SLC38A9: variants seen among roughly 807,000 people sequenced by gnomAD.
The protein encoded by SLC38A9 is neutral amino acid transporter 9.
Under a neutral mutation model 62.3 loss-of-function variants are expected in SLC38A9, and 48 were observed. That is an observed-to-expected ratio of 0.77 (90% CI 0.61 to 0.98). The LOEUF is 0.98. Among genes scored for constraint, SLC38A9 ranks in the 50% least tolerant of loss-of-function variants. SLC38A9 has a pLI of 0.00. For synonymous variants in SLC38A9, 204 were observed against 227.7 expected (o/e 0.90, Z 0.94); for missense variants, 541 against 679.8 (o/e 0.80, Z 2.27).
At chr5:55,650,108 G>C (rs1435198825) in intron 10 of SLC38A9, among the ~76,000 whole-genome samples, 1 of 152,108 alleles carries the variant, frequency 6.6e-6, no homozygotes, top group Non-Finnish European at 1.5e-5. Flanking sequence ...GCATATTTGA[G>C]AAAGGTGAGA....
chr5:55,710,594 A>T (rs1757889049), intron 2 of SLC38A9, among the ~76,000 whole-genome samples: 1 of 151,996 alleles, frequency 6.6e-6, no homozygotes. Context: ...ATTTTGACCT[A>T]TTGAAACTTT....
intron 3 of SLC38A9, among the ~76,000 whole-genome samples, chr5:55,683,585 A>G (rs1288133593): frequency 6.6e-6 from 1 of 152,226 alleles, no homozygotes; most frequent in South Asian, 2.1e-4. Context: ...CTAGACACAT[A>G]TATGTACACA....
chr5:55,692,783 T>C (rs931712291), intron 3 of SLC38A9: 1 of 985,396 alleles, frequency 1.0e-6, no homozygotes, highest in Non-Finnish European at 1.2e-6. Flanking sequence ...CAATTATTTA[T>C]CACAGAATTT....
In SLC38A9 at chr5:55,651,246, ATCTT is replaced by A. The variant is rs1157875230; in HGVS notation, c.952+1279_952+1282del. The stretch of plus-strand genomic sequence containing the variant: ...TTTCACTGGGGGGGTTCCTTTTGCC[ATCTT>A]TTTTTTTTTTTTTTTTTTAAGACAG... On this transcript the variant is annotated intron_variant, in intron 10 of 15. Transcript: ENST00000396865. Among the ~76,000 whole-genome samples the A allele has an allele frequency of 2.4e-4, 27 of 114,114 alleles. 1 individual carries two copies. Among genetic ancestry groups the A allele is most frequent in the Non-Finnish European group, 3.8e-4 (22 of 57,660 alleles). 74.9% of individuals were successfully genotyped at this position (114,114 alleles called of 152,430 possible). A position where few individuals can be genotyped will look rare whatever the true frequency, so the allele number is the denominator to read the frequency against.
At chr5:55,628,836 T>C (rs1742933166) in intron 14 of SLC38A9, among the ~76,000 whole-genome samples, 1 of 152,258 alleles carries the variant, frequency 6.6e-6, no homozygotes, top group East Asian at 1.9e-4. Flanking sequence ...ATAATGTAGA[T>C]GAAAATTTGA....
chr5:55,696,672 CGG>C (rs1755801179), intron 3 of SLC38A9: 1 of 96,232 alleles, frequency 1.0e-5, no homozygotes, highest in African/African-American at 3.4e-5. Context: ...CCTCACCTCC[CGG>C]ACGGGGCGGC....
At chr5:55,710,067 C>CAA (rs1174162436) in intron 2 of SLC38A9, among the ~76,000 whole-genome samples, 8 of 20,784 alleles carry the variant, frequency 3.8e-4, no homozygotes, top group African/African-American at 5.1e-4. Context: ...GACTCCATCT[C>CAA]AAAAAAAAAA....
intron 3 of SLC38A9, 159 bp from the exon 4 acceptor site, chr5:55,672,854 A>C: frequency 1.6e-6 from 1 of 644,138 alleles, no homozygotes; most frequent in Non-Finnish European, 2.6e-6. Context: ...GTTACAAAAG[A>C]AGTATTATCC....
chr5:55,633,511 A>C (rs1289615709), intron 14 of SLC38A9: 4 of 422,524 alleles, frequency 9.5e-6, no homozygotes, highest in East Asian at 3.9e-5. Context: ...ATAATAAGAT[A>C]AATATAAATG....
intron 11 of SLC38A9, among the ~76,000 whole-genome samples, chr5:55,646,465 G>A (rs1746375770): frequency 6.6e-6 from 1 of 152,102 alleles, no homozygotes; most frequent in Admixed American, 6.5e-5. Context: ...TTCAAATTTA[G>A]GGTCTGTCTG....
At chr5:55,647,193 T>C (rs1377861433) in intron 11 of SLC38A9, among the ~76,000 whole-genome samples, 1 of 152,036 alleles carries the variant, frequency 6.6e-6, no homozygotes, top group East Asian at 1.9e-4. Context: ...TTTTATTTTT[T>C]TTTGCAATTT....
intron 2 of SLC38A9, chr5:55,704,446 G>C (rs963574082): frequency 6.6e-6 from 1 of 152,128 alleles, no homozygotes; most frequent in Admixed American, 6.5e-5. Context: ...TGAAACACAT[G>C]AAAATTTTAA....
At chr5:55,658,603 A>G (rs909950098) in intron 8 of SLC38A9, among the ~76,000 whole-genome samples, 21 of 152,330 alleles carry the variant, frequency 1.4e-4, no homozygotes, top group Middle Eastern at 6.8e-3. Context: ...GAGGCAAGGA[A>G]GGATTCTTCC....
chr5:55,686,699 G>C (rs2150487437), intron 3 of SLC38A9, among the ~76,000 whole-genome samples: 1 of 152,192 alleles, frequency 6.6e-6, no homozygotes, highest in East Asian at 1.9e-4. Context: ...GCCTGTGCCT[G>C]TGTCCTGAAA....
At chr5:55,644,705 C>T (rs2150126110) in intron 12 of SLC38A9, among the ~76,000 whole-genome samples, 1 of 152,314 alleles carries the variant, frequency 6.6e-6, no homozygotes, top group Admixed American at 6.5e-5. Context: ...AGGCGTGAGC[C>T]ACCATGCCCA....
intron 3 of SLC38A9, among the ~76,000 whole-genome samples, chr5:55,680,299 A>T (rs1160042841): frequency 1.3e-5 from 2 of 152,212 alleles, no homozygotes; most frequent in African/African-American, 2.4e-5. Context: ...TCTACTCCTT[A>T]AACAGATCAC....
At position 55,656,574 on chromosome 5, in the gene SLC38A9, A is replaced by G; in HGVS notation, c.757+141T>C. ...AGGTTCTTTTTTTTTTAAACACACT[A>G]CCAACAATTTAGTAGCAGCTCAGTA... On this transcript the variant is annotated intron_variant, in intron 9 of 15. Coordinates refer to ENST00000396865, the MANE Select transcript of SLC38A9 (RefSeq NM_173514.4). 5 of 631,594 alleles carry G rather than the reference A, an allele frequency of 7.9e-6. No individual in the cohort carries two copies. The South Asian group carries it at 9.6e-5, about 12-fold the overall frequency. The allele number at this position is 631,594 out of a possible 1,614,324, so 39.1% of individuals were successfully genotyped here.
At chr5:55,688,380 CT>C (rs767493953) in intron 3 of SLC38A9, among the ~76,000 whole-genome samples, 1,346 of 123,232 alleles carry the variant, frequency 0.011, 23 homozygotes, top group African/African-American at 0.034. Flanking sequence ...GGCATAATCT[CT>C]TTTTTTTTTT....
chr5:55,634,229 T>C (rs1561303122), intron 13 of SLC38A9: 1 of 178,160 alleles, frequency 5.6e-6, no homozygotes, highest in East Asian at 1.6e-4. Context: ...AGCATTGCTT[T>C]ATGTGGTTCA....
Sources: allele counts gnomAD v4.1 joint callset (sites outside exome capture counted in the v4.1 genomes callset), GRCh38; gene constraint gnomAD v4.1.1; transcripts MANE v1.5; gene names NCBI Gene and HGNC (gene_info 2026-07-23, HGNC 2026-07-21).